Variants in SLC14A2 observed in about 807,000 individuals in gnomAD.
The protein encoded by SLC14A2 is urea transporter 2.
In SLC14A2, 91 loss-of-function variants were observed where a neutral mutation model predicts 104.6. The ratio of observed to expected loss-of-function variants is 0.87; its 90% CI spans 0.73 to 1.04. The LOEUF (loss-of-function observed/expected upper bound fraction) is 1.04, where lower values mean the gene tolerates loss of function less well. Ranked by LOEUF, SLC14A2 falls within the 50% of genes least tolerant of loss-of-function variation. The pLI, the probability that SLC14A2 is intolerant of heterozygous loss-of-function variation, is 0.00. For missense variants in SLC14A2, 1,189 were observed against 1,156.0 expected (o/e 1.03, Z -0.41); for synonymous variants, 476 against 466.4 (o/e 1.02, Z -0.27).
chr18:45,330,883 T>C (rs147884059), intron 1 of SLC14A2, among the ~76,000 whole-genome samples: 19 of 152,372 alleles, frequency 1.2e-4, no homozygotes, highest in African/African-American at 3.4e-4. Flanking sequence ...GGATAATCTC[T>C]GCCTTCTTGA....
chr18:45,321,112 G>T (rs1179581885), intron 1 of SLC14A2, among the ~76,000 whole-genome samples: 3 of 152,140 alleles, frequency 2.0e-5, no homozygotes, highest in African/African-American at 7.2e-5. Flanking sequence ...CTCACTATTT[G>T]GTCTAAGGAT....
At chr18:45,502,644 C>T (rs2144765337) in intron 2 of SLC14A2, among the ~76,000 whole-genome samples, 1 of 152,294 alleles carries the variant, frequency 6.6e-6, no homozygotes, top group South Asian at 2.1e-4. Flanking sequence ...GGAACAGCTC[C>T]GGACCTCTGC....
chr18:45,622,071 A>G (rs1468724814), intron 1 of SLC14A2, among the ~76,000 whole-genome samples: 1 of 152,210 alleles, frequency 6.6e-6, no homozygotes. Flanking sequence ...TCAAAGAGGT[A>G]GTTTTCCATC....
At chr18:45,275,417 T>C (rs1472197903) in intron 1 of SLC14A2, among the ~76,000 whole-genome samples, 1 of 152,206 alleles carries the variant, frequency 6.6e-6, no homozygotes, top group Non-Finnish European at 1.5e-5. Flanking sequence ...GGAGTAGTTT[T>C]GCAAACCAGT....
At chr18:45,313,503 T>G (rs953868377) in intron 1 of SLC14A2, among the ~76,000 whole-genome samples, 1 of 152,250 alleles carries the variant, frequency 6.6e-6, no homozygotes, top group South Asian at 2.1e-4. Context: ...ATGAGCAAAA[T>G]TATATAGACC....
intron 2 of SLC14A2, among the ~76,000 whole-genome samples, chr18:45,499,505 C>T (rs1315164764): frequency 6.6e-6 from 1 of 152,198 alleles, no homozygotes; most frequent in African/African-American, 2.4e-5. Context: ...GGGCAATTCA[C>T]CTCTCTAAAC....
chr18:45,462,896 A>G (rs1284439477), intron 1 of SLC14A2, among the ~76,000 whole-genome samples: 2 of 152,218 alleles, frequency 1.3e-5, no homozygotes, highest in Non-Finnish European at 2.9e-5. Context: ...GTCACCTGCT[A>G]AGCACTCAAT....
rs1419124696 is a variant in SLC14A2 at position 45,647,716 on chromosome 18, T to C, written c.1351+3556T>C. On this transcript the variant is annotated intron_variant, in intron 10 of 19. Coordinates refer to ENST00000255226, the MANE Select transcript of SLC14A2 (RefSeq NM_007163.4). Reference sequence around the variant, plus strand: ...TAAAATAGTTTGTAATTTTAATTTTTATTCCTCTTTGGTTGTTTGAGGATT... The same window carrying C: ...TAAAATAGTTTGTAATTTTAATTTTCATTCCTCTTTGGTTGTTTGAGGATT... 3 of 152,254 alleles carry C rather than the reference T, an allele frequency of 2.0e-5. No individual in the cohort carries two copies. In the East Asian group the frequency reaches 5.8e-4, roughly 29 times the overall value. The allele number at this position is 152,254 out of a possible 1,614,324, so 9.4% of individuals were successfully genotyped here. A position where few individuals can be genotyped will look rare whatever the true frequency, so the allele number is the denominator to read the frequency against.
intron 1 of SLC14A2, among the ~76,000 whole-genome samples, chr18:45,372,295 A>G (rs896542929): frequency 6.7e-6 from 1 of 149,444 alleles, no homozygotes. Flanking sequence ...CTGGACAACA[A>G]GTGAGACCCT....
chr18:45,304,451 A>G (rs2084997765), intron 1 of SLC14A2, among the ~76,000 whole-genome samples: 1 of 152,190 alleles, frequency 6.6e-6, no homozygotes, highest in African/African-American at 2.4e-5. Context: ...TGTTTTCAAG[A>G]AGGGATAGGC....
At chr18:45,412,337 C>T (rs2086224260) in intron 1 of SLC14A2, among the ~76,000 whole-genome samples, 6 of 152,180 alleles carry the variant, frequency 3.9e-5, no homozygotes, top group Non-Finnish European at 8.8e-5. Context: ...CATTGCTTAA[C>T]TCTTTGACCT....
chr18:45,664,789 C>T (rs763306010), intron 11 of SLC14A2, among the ~76,000 whole-genome samples: 7 of 152,112 alleles, frequency 4.6e-5, no homozygotes, highest in East Asian at 3.9e-4. Flanking sequence ...AGGGGATTGC[C>T]GAGGACATTG....
chr18:45,296,251 A>G (rs1469401381), intron 1 of SLC14A2, among the ~76,000 whole-genome samples: 1 of 152,110 alleles, frequency 6.6e-6, no homozygotes, highest in East Asian at 1.9e-4. Context: ...GGAGAGGGGA[A>G]CCTCCGAGTT....
At chr18:45,326,124 C>T (rs1400137127) in intron 1 of SLC14A2, among the ~76,000 whole-genome samples, 1 of 152,160 alleles carries the variant, frequency 6.6e-6, no homozygotes, top group Non-Finnish European at 1.5e-5. Flanking sequence ...TACCATCTTT[C>T]TGAATTAAAA....
intron 2 of SLC14A2, among the ~76,000 whole-genome samples, chr18:45,486,123 G>C (rs892319828): frequency 3.3e-5 from 5 of 152,128 alleles, no homozygotes; most frequent in African/African-American, 1.2e-4. Flanking sequence ...GTCATCATTA[G>C]AATTCTGCTA....
At chr18:45,187,955 A>G in the SLC14A2 span, among the ~76,000 whole-genome samples, 1 of 152,020 alleles carries the variant, frequency 6.6e-6, no homozygotes, top group African/African-American at 2.4e-5. Flanking sequence ...TTTTTTTTCT[A>G]CATTATATTG....
chr18:45,179,937 G>C, the SLC14A2 span: 1 of 152,142 alleles, frequency 6.6e-6, no homozygotes, highest in Non-Finnish European at 1.5e-5. Flanking sequence ...CTTGAGCCCA[G>C]GAGTTCGAGG....
intron 1 of SLC14A2, among the ~76,000 whole-genome samples, chr18:45,306,710 C>T (rs2085025151): frequency 6.6e-6 from 1 of 152,124 alleles, no homozygotes; most frequent in Non-Finnish European, 1.5e-5. Context: ...GGGTCTCGTT[C>T]CTGCTCTGCC....
intron 1 of SLC14A2, among the ~76,000 whole-genome samples, chr18:45,253,968 A>C (rs985792594): frequency 3.9e-5 from 6 of 152,204 alleles, no homozygotes; most frequent in Non-Finnish European, 8.8e-5. Flanking sequence ...AATTGGTGAA[A>C]GTGGACATGA....
Sources: gnomAD v4.1 joint callset for allele counts (sites outside exome capture counted in the v4.1 genomes callset) on GRCh38, gnomAD v4.1.1 for gene constraint, MANE v1.5 for transcripts, NCBI Gene and HGNC (gene_info 2026-07-23, HGNC 2026-07-21) for gene names.